The following SNTB1 variants were observed in gnomAD, a reference collection of about 807,000 sequenced individuals.
The protein encoded by SNTB1 is syntrophin beta 1.
A neutral mutation model predicts 48.9 loss-of-function variants in SNTB1; 36 were observed. The ratio of observed to expected loss-of-function variants is 0.74; its 90% confidence interval spans 0.56 to 0.97. The LOEUF (loss-of-function observed/expected upper bound fraction) is 0.97, where lower values mean the gene tolerates loss of function less well. Among genes scored for constraint, SNTB1 ranks in the 50% least tolerant of loss-of-function variants. SNTB1 has a pLI of 0.00. For synonymous variants in SNTB1, 299 were observed against 294.6 expected (o/e 1.01, Z -0.15); for missense variants, 786 against 703.4 (o/e 1.12, Z -1.33).
chr8:120,743,710 CG>C (rs1819080585), intron 1 of SNTB1, among the ~76,000 whole-genome samples: 1 of 152,186 alleles, frequency 6.6e-6, no homozygotes, highest in Admixed American at 6.5e-5. Context: ...ATCATTACAA[CG>C]TTGGCAGGTG....
rs186083985 is a variant in SNTB1, at chr8:120,810,571, G to T, written c.571+702C>A. 8.5e-5 allele frequency among the ~76,000 whole-genome samples: 13 copies of T among 152,332 alleles called. No individual in the cohort carries two copies. In the East Asian group the frequency reaches 2.5e-3, roughly 29 times the overall value. On this transcript the variant is annotated intron_variant, in intron 1 of 6. Coordinates refer to ENST00000517992, the MANE Select transcript of SNTB1 (RefSeq NM_021021.4). ...AATCACTTCACCAGCTCTCAACCCA[G>T]AGGAACCTGGAATCCAGACTGACCG...
intron 1 of SNTB1, among the ~76,000 whole-genome samples, chr8:120,787,566 A>T (rs898896447): frequency 1.3e-5 from 2 of 152,170 alleles, no homozygotes; most frequent in African/African-American, 4.8e-5. Context: ...GAAATGAAAG[A>T]CATATTTAGG....
At chr8:120,777,541 C>T (rs1255665358) in intron 1 of SNTB1, among the ~76,000 whole-genome samples, 5 of 152,196 alleles carry the variant, frequency 3.3e-5, no homozygotes, top group Non-Finnish European at 7.4e-5. Context: ...CTGTGCAAGT[C>T]TGTGCTTCAG....
intron 2 of SNTB1, among the ~76,000 whole-genome samples, chr8:120,633,190 CT>C (rs1363050138): frequency 6.6e-6 from 1 of 152,180 alleles, no homozygotes; most frequent in Non-Finnish European, 1.5e-5. Flanking sequence ...AACTTTGCAT[CT>C]TTTAGGAATT....
In SNTB1 at chr8:120,811,396, G is replaced by C. The variant is rs757759609; in HGVS notation, c.448C>G (p.Gln150Glu). 1 of 1,614,014 alleles carries C rather than the reference G, an allele frequency of 6.2e-7. No individual in the cohort carries two copies. Among genetic ancestry groups the C allele is most frequent in the South Asian group, 1.1e-5 (1 of 91,082 alleles). ...TCGCCCACGTACAGGGCTTGGGTCT[G>C]GTCCGCCGCCAGCCCCTTGAAGATC... ...SKIFKGLAAD[Q>E]TQALYVGDAI... The change falls in exon 1 of 7, where the codon CAG becomes GAG. Residue 150 changes from glutamine to glutamate, a missense_variant. Physicochemically the swap from Gln to Glu is conservative, Grantham distance 29. Coordinates refer to ENST00000517992, the MANE Select transcript of SNTB1 (RefSeq NM_021021.4).
chr8:120,601,153 T>C (rs2130718891), intron 3 of SNTB1, among the ~76,000 whole-genome samples: 1 of 152,104 alleles, frequency 6.6e-6, no homozygotes, highest in African/African-American at 2.4e-5. Flanking sequence ...ATGAACACTT[T>C]CACTCTGCGG....
At chr8:120,654,424 GTT>G (rs1050083703) in intron 2 of SNTB1, among the ~76,000 whole-genome samples, 4 of 152,082 alleles carry the variant, frequency 2.6e-5, no homozygotes, top group Non-Finnish European at 5.9e-5. Flanking sequence ...GATGAATTGT[GTT>G]TATCTGTAGT....
chr8:120,617,159 C>T (rs1376622136), intron 3 of SNTB1, among the ~76,000 whole-genome samples: 2 of 152,100 alleles, frequency 1.3e-5, no homozygotes, highest in Non-Finnish European at 2.9e-5. Flanking sequence ...GTGTGTGGGC[C>T]AAGACAATTC....
intron 2 of SNTB1, among the ~76,000 whole-genome samples, chr8:120,665,827 A>G (rs1238614873): frequency 6.6e-6 from 1 of 152,112 alleles, no homozygotes; most frequent in African/African-American, 2.4e-5. Context: ...TTAAAATACT[A>G]TTTTTCTTGA....
intron 1 of SNTB1, among the ~76,000 whole-genome samples, chr8:120,713,439 T>A (rs1379214307): frequency 6.6e-6 from 1 of 152,166 alleles, no homozygotes; most frequent in Non-Finnish European, 1.5e-5. Flanking sequence ...TTCTATAAAT[T>A]GAATCATACA....
intron 1 of SNTB1, among the ~76,000 whole-genome samples, chr8:120,740,242 C>G (rs1332267518): frequency 5.3e-5 from 8 of 152,144 alleles, no homozygotes; most frequent in African/African-American, 1.9e-4. Context: ...CTGTCACAGT[C>G]AAGAACTTGG....
chr8:120,741,487 T>C (rs763951021), intron 1 of SNTB1, among the ~76,000 whole-genome samples: 3 of 152,156 alleles, frequency 2.0e-5, no homozygotes, highest in Non-Finnish European at 2.9e-5. Context: ...TGAGCCCCTG[T>C]AGTCCCAGCT....
chr8:120,624,321 G>C (rs1587041179), intron 3 of SNTB1, among the ~76,000 whole-genome samples: 1 of 152,170 alleles, frequency 6.6e-6, no homozygotes, highest in Admixed American at 6.5e-5. Context: ...CCTGCACCTG[G>C]TGAGGACCTT....
At chr8:120,791,672 A>T (rs908178930) in intron 1 of SNTB1, among the ~76,000 whole-genome samples, 65 of 152,026 alleles carry the variant, frequency 4.3e-4, no homozygotes, top group African/African-American at 1.4e-3. Context: ...TCAAAAGAAG[A>T]TATACAAATT....
chr8:120,733,348 G>A (rs59495531), intron 1 of SNTB1, among the ~76,000 whole-genome samples: 10,548 of 152,290 alleles, frequency 0.069, 528 homozygotes, highest in East Asian at 0.18. Context: ...GCAATTGGTG[G>A]TCCACGCATA....
At position 120,590,936 on chromosome 8, in the gene SNTB1, C is replaced by T. The variant is rs149916220; in HGVS notation, c.997-15711G>A. ...TCCTGACCTCGTGATCCGCCGGCCT[C>T]GGCCTCCCAAAGTGCTGGAATTACC... On this transcript the variant is annotated intron_variant, in intron 3 of 6. Transcript: ENST00000517992. Among the ~76,000 whole-genome samples, 244 of 152,188 alleles carry T rather than the reference C, an allele frequency of 1.6e-3. 2 individuals carry two copies. The highest frequency in any genetic ancestry group is 5.5e-3 in the African/African-American group (230 of 41,514).
chr8:120,752,124 G>A (rs968824472), intron 1 of SNTB1, among the ~76,000 whole-genome samples: 15 of 152,082 alleles, frequency 9.9e-5, no homozygotes, highest in Non-Finnish European at 1.8e-4. Context: ...TAATTAGCAA[G>A]AGCCAAGCCT....
chr8:120,565,372 AC>A (rs1815732121), intron 4 of SNTB1, among the ~76,000 whole-genome samples: 1 of 152,244 alleles, frequency 6.6e-6, no homozygotes, highest in Non-Finnish European at 1.5e-5. Context: ...GATATTGGGC[AC>A]ATATTACTGA....
intron 2 of SNTB1, among the ~76,000 whole-genome samples, chr8:120,664,672 C>T (rs948575194): frequency 1.3e-5 from 2 of 152,230 alleles, no homozygotes; most frequent in Non-Finnish European, 1.5e-5. Context: ...ATTCACCCTT[C>T]GATGGGAAAG....
Sources: gnomAD v4.1 joint callset for allele counts (sites outside exome capture counted in the v4.1 genomes callset) on GRCh38, gnomAD v4.1.1 for gene constraint, MANE v1.5 for transcripts, NCBI Gene and HGNC (gene_info 2026-07-23, HGNC 2026-07-21) for gene names.